The following SLC7A8 variants were observed in gnomAD, a reference collection of about 807,000 sequenced individuals.
The protein encoded by SLC7A8 is large neutral amino acids transporter small subunit 2.
SLC7A8 carries 30 observed loss-of-function variants against 51.2 expected under a neutral mutation model. The ratio of observed to expected loss-of-function variants is 0.59; its 90% confidence interval spans 0.44 to 0.80. The LOEUF (loss-of-function observed/expected upper bound fraction) is 0.80. SLC7A8 is among the 30% of genes least tolerant of loss of function. The pLI is 0.00. For synonymous variants in SLC7A8, 257 were observed against 275.8 expected (o/e 0.93, Z 0.67); for missense variants, 612 against 674.4 (o/e 0.91, Z 1.03).
rs1292569257 is a variant in SLC7A8, at chr14:23,138,044, G to A, written c.913-20C>T. The A allele has an allele frequency of 3.1e-6, 5 of 1,613,300 alleles. No individual in the cohort carries two copies. The highest frequency in any genetic ancestry group is 1.6e-4 in the Middle Eastern group (1 of 6,078). ...AAAAGTCTGGGAGAGGAACCAAGGA[G>A]ATAAGCAAAGGAGAGGTCACCACTC... On this transcript the variant is annotated intron_variant, in intron 6 of 10. Transcript: ENST00000316902.
intron 1 of SLC7A8, among the ~76,000 whole-genome samples, chr14:23,179,971 C>T (rs893841979): frequency 4.0e-5 from 6 of 150,492 alleles, no homozygotes; most frequent in Non-Finnish European, 8.9e-5. Context: ...AGTGGCGCAA[C>T]CTTGGCTCAC....
intron 7 of SLC7A8, among the ~76,000 whole-genome samples, chr14:23,137,703 C>T (rs115876944): frequency 1.4e-3 from 211 of 152,260 alleles, no homozygotes; most frequent in African/African-American, 4.8e-3. Flanking sequence ...ACCTAGGACC[C>T]GTATGCCACA....
At chr14:23,181,988 G>C (rs148186042) in intron 1 of SLC7A8, among the ~76,000 whole-genome samples, 372 of 152,334 alleles carry the variant, frequency 2.4e-3, no homozygotes, top group African/African-American at 8.4e-3. Context: ...GCACCTCCCA[G>C]CTAGGACACA....
At chr14:23,174,534 T>C (rs2048990250) in intron 1 of SLC7A8, among the ~76,000 whole-genome samples, 1 of 152,240 alleles carries the variant, frequency 6.6e-6, no homozygotes, top group Non-Finnish European at 1.5e-5. Flanking sequence ...CAATAGAGCT[T>C]TTCAGCTCAA....
At chr14:23,134,639 C>T (rs1423108949) in intron 7 of SLC7A8, among the ~76,000 whole-genome samples, 3 of 151,886 alleles carry the variant, frequency 2.0e-5, no homozygotes, top group African/African-American at 7.3e-5. Context: ...CTCACTGCAG[C>T]CTCCAATTCC....
intron 3 of SLC7A8, chr14:23,155,590 A>T: frequency 2.3e-6 from 2 of 878,544 alleles, no homozygotes; most frequent in Non-Finnish European, 3.0e-6. Context: ...GAAAAACTGG[A>T]CACCAAGAAA....
intron 7 of SLC7A8, among the ~76,000 whole-genome samples, chr14:23,131,804 TG>T (rs1210353556): frequency 6.6e-6 from 1 of 152,196 alleles, no homozygotes; most frequent in Non-Finnish European, 1.5e-5. Flanking sequence ...GAATGTGGTA[TG>T]GGTGGCTCAG....
chr14:23,131,554 C>T lies in SLC7A8; in HGVS notation c.1020G>A (p.Leu340=), dbSNP rs774224384. The T allele has an allele frequency of 1.9e-6, 3 of 1,600,358 alleles. No homozygotes were observed. The highest frequency in any genetic ancestry group is 2.6e-6 in the Non-Finnish European group (3 of 1,173,940). The change falls in exon 8 of 11, where the codon CTG becomes CTA. Residue 340 remains leucine (L), a synonymous_variant. Transcript: ENST00000316902. ...GGCCCTCTCGGGCTCCAGCGAAGAACAGCCTGTCAGGGAGAAAAGCAGGTC... is the reference window on the plus strand; with the variant it reads ...GGCCCTCTCGGGCTCCAGCGAAGAATAGCCTGTCAGGGAGAAAAGCAGGTC... ...VNGSLFTSSR[L]FFAGAREGHL... is the part of the protein sequence containing the mutation.
At chr14:23,155,934 GT>G (rs1323735594) in intron 3 of SLC7A8, among the ~76,000 whole-genome samples, 1 of 151,966 alleles carries the variant, frequency 6.6e-6, no homozygotes, top group Non-Finnish European at 1.5e-5. Flanking sequence ...CCCCAAAACG[GT>G]TCAGTTATAA....
At chr14:23,167,342 C>T (rs1006564508) in intron 1 of SLC7A8, among the ~76,000 whole-genome samples, 4 of 152,186 alleles carry the variant, frequency 2.6e-5, no homozygotes, top group African/African-American at 9.7e-5. Context: ...AGGTACTTCC[C>T]TCTCTATTTT....
intron 3 of SLC7A8, chr14:23,156,420 G>A (rs2048893633): frequency 6.6e-6 from 1 of 152,210 alleles, no homozygotes; most frequent in Admixed American, 6.5e-5. Flanking sequence ...AGCACAACTT[G>A]CTGAACTCTT....
Position 23,138,031 on chromosome 14 carries a change from G to A in SLC7A8, c.913-7C>T. The A allele has an allele frequency of 6.2e-7, 1 of 1,613,810 alleles. No homozygotes were observed. Among genetic ancestry groups the A allele is most frequent in the Non-Finnish European group, 8.5e-7 (1 of 1,179,934 alleles). On this transcript the variant is annotated splice_region_variant and splice_polypyrimidine_tract_variant and intron_variant, in intron 6 of 10. Coordinates refer to ENST00000316902, the MANE Select transcript of SLC7A8 (RefSeq NM_012244.4). Reference sequence around the variant, plus strand: ...GGAGCTTCTCTCCAAAAGTCTGGGAGAGGAACCAAGGAGATAAGCAAAGGA... The same window carrying A: ...GGAGCTTCTCTCCAAAAGTCTGGGAAAGGAACCAAGGAGATAAGCAAAGGA...
chr14:23,135,076 A>G (rs1242544815), intron 7 of SLC7A8, among the ~76,000 whole-genome samples: 1 of 151,844 alleles, frequency 6.6e-6, no homozygotes, highest in East Asian at 1.9e-4. Context: ...CCTAAAAGTT[A>G]TTATTTTTTT....
At chr14:23,141,213 A>T (rs948323025) in intron 4 of SLC7A8, among the ~76,000 whole-genome samples, 3 of 152,194 alleles carry the variant, frequency 2.0e-5, no homozygotes, top group African/African-American at 7.2e-5. Flanking sequence ...TGAGCCCAGG[A>T]GTTTGAGGCT....
intron 3 of SLC7A8, chr14:23,154,386 C>T: frequency 4.0e-6 from 4 of 998,054 alleles, no homozygotes; most frequent in Non-Finnish European, 4.8e-6. Flanking sequence ...GGTCTGGGTG[C>T]CCAGGCTGGA....
chr14:23,153,145 T>C (rs2048862091), intron 3 of SLC7A8, among the ~76,000 whole-genome samples: 1 of 151,862 alleles, frequency 6.6e-6, no homozygotes, highest in South Asian at 2.1e-4. Context: ...GGGAGTCTCA[T>C]TCTGTCGCCC....
At chr14:23,152,944 G>C (rs1381484170) in intron 3 of SLC7A8, among the ~76,000 whole-genome samples, 5 of 152,118 alleles carry the variant, frequency 3.3e-5, no homozygotes, top group Admixed American at 2.6e-4. Flanking sequence ...GGGCTGGATT[G>C]GTTGTTATAA....
intron 1 of SLC7A8, among the ~76,000 whole-genome samples, chr14:23,169,031 A>G (rs563403313): frequency 6.6e-6 from 1 of 152,202 alleles, no homozygotes; most frequent in South Asian, 2.1e-4. Flanking sequence ...TGCCCCCAAA[A>G]CCTTATTTTT....
rs2048945440 is a variant in SLC7A8 at position 23,165,566 on chromosome 14, C to T, written c.357-130G>A. 1.1e-6 allele frequency: 1 copy of T among 913,268 alleles called. No individual in the cohort carries two copies. The highest frequency in any genetic ancestry group is 1.8e-5 in the African/African-American group (1 of 56,112). The allele number at this position is 913,268 out of a possible 1,614,324, so 56.6% of individuals were successfully genotyped here. On this transcript the variant is annotated intron_variant, in intron 2 of 10. Transcript: ENST00000316902. This position sits in a 1 kb window ranked among gnomAD's most constrained non-coding sequence, Gnocchi z 4.2. Reference sequence around the variant, plus strand: ...TGAAGAGCCCAGCCTCTGCCCCCACCCACAAATGAGACACCCAGCCCTCTG... The same window carrying T: ...TGAAGAGCCCAGCCTCTGCCCCCACTCACAAATGAGACACCCAGCCCTCTG...
Sources: allele counts gnomAD v4.1 joint callset (sites outside exome capture counted in the v4.1 genomes callset), GRCh38; gene constraint gnomAD v4.1.1; non-coding constraint Gnocchi (gnomAD v3.1); transcripts MANE v1.5; gene names NCBI Gene and HGNC (gene_info 2026-07-23, HGNC 2026-07-21).